Variants in POLR2H observed in about 807,000 individuals in gnomAD.
POLR2H encodes the protein DNA-directed RNA polymerases I, II, and III subunit RPABC3.
Under a neutral mutation model 18.1 loss-of-function variants are expected in POLR2H, and 3 were observed. The observed-to-expected ratio is 0.17, with a 90% CI of 0.08 to 0.43. The LOEUF is 0.43. Ranked by LOEUF, POLR2H falls within the 20% of genes least tolerant of loss-of-function variation. POLR2H has a pLI of 0.99. For missense variants in POLR2H, 103 were observed against 184.6 expected (o/e 0.56, Z 2.56); for synonymous variants, 76 against 69.0 (o/e 1.10, Z -0.50).
intron 2 of POLR2H, chr3:184,364,707 C>A: frequency 1.9e-6 from 1 of 529,732 alleles, no homozygotes; most frequent in Non-Finnish European, 3.3e-6. Context: ...TGCCCAGAGT[C>A]AGGTTCTCAG....
rs1211710422 is a variant in POLR2H at position 184,362,980 on chromosome 3, C to T, written c.-513C>T. The T allele has an allele frequency of 5.6e-6, 1 of 177,556 alleles. No individual in the cohort carries two copies. Among genetic ancestry groups the T allele is most frequent in the Non-Finnish European group, 1.2e-5 (1 of 83,022 alleles). 11.0% of individuals were successfully genotyped at this position (177,556 alleles called of 1,614,324 possible). On this transcript the variant is annotated 5_prime_UTR_variant, in exon 2 of 6. Transcript: ENST00000456318. The surrounding 1 kb of genome is among the most constrained non-coding windows in gnomAD (Gnocchi z 5.9). ...GGGTCCTCGGTGCCGGCTGGAGGGG[C>T]TGGGCACCTCTGGGGCGGGGTTCTG... is the stretch of plus-strand genomic sequence containing the variant.
chr3:184,363,846 T>C (rs944597361), intron 2 of POLR2H, among the ~76,000 whole-genome samples: 6 of 152,202 alleles, frequency 3.9e-5, no homozygotes, highest in African/African-American at 1.4e-4. Flanking sequence ...GACACTGTCT[T>C]GTGAGACCAG....
chr3:184,365,826 A>G (rs564648411), intron 4 of POLR2H, among the ~76,000 whole-genome samples: 1 of 151,206 alleles, frequency 6.6e-6, no homozygotes, highest in Non-Finnish European at 1.5e-5. Context: ...ACAAAAAAAA[A>G]TTAGCCGGGC....
At position 184,362,813 on chromosome 3, in the gene POLR2H, A is replaced by G. The variant is rs1285107087; in HGVS notation, c.-620-60A>G. On this transcript the variant is annotated intron_variant, in intron 1 of 5. Transcript: ENST00000456318. The surrounding 1 kb of genome is among the most constrained non-coding windows in gnomAD (Gnocchi z 5.9). The stretch of plus-strand genomic sequence containing the variant: ...AGGGCCTGGGGGGAAGAGGGAGGGC[A>G]GTGGTGGGAGGGTGCAGTACGAGAG... The G allele has an allele frequency of 6.6e-6, 1 of 152,598 alleles. No individual in the cohort carries two copies. Among genetic ancestry groups the G allele is most frequent in the Non-Finnish European group, 1.5e-5 (1 of 68,668 alleles). The allele number at this position is 152,598 out of a possible 1,614,324, so 9.5% of individuals were successfully genotyped here.
intron 5 of POLR2H, 35 bp from the exon 6 acceptor site, chr3:184,368,142 G>A (rs1190041880): frequency 1.4e-5 from 23 of 1,613,608 alleles, no homozygotes; most frequent in Non-Finnish European, 1.6e-5. Flanking sequence ...GAGTGGCAGT[G>A]CTCCAGAATC....
rs939322075 is a variant in POLR2H at position 184,366,568 on chromosome 3, G to A, written c.252-149G>A. The A allele has an allele frequency of 1.9e-5, 10 of 525,062 alleles. No homozygotes were observed. In the South Asian group the frequency reaches 2.0e-4, roughly 10 times the overall value. 32.5% of individuals were successfully genotyped at this position (525,062 alleles called of 1,614,324 possible). A position where few individuals can be genotyped will look rare whatever the true frequency, so the allele number is the denominator to read the frequency against. Reference sequence around the variant, plus strand: ...TTAGCCAGGATGGTCTCGATCTCCTGACCTCGTGATCTGCCCGCCTTGGCC... The same window carrying A: ...TTAGCCAGGATGGTCTCGATCTCCTAACCTCGTGATCTGCCCGCCTTGGCC... On this transcript the variant is annotated intron_variant, in intron 4 of 5. Transcript: ENST00000456318.
rs1712598733 is a variant in POLR2H, at chr3:184,363,340, G to T, written c.-153G>T. 8 of 687,418 alleles carry T rather than the reference G, an allele frequency of 1.2e-5. No individual in the cohort carries two copies. Among genetic ancestry groups the T allele is most frequent in the Non-Finnish European group, 1.9e-5 (7 of 378,168 alleles). The allele number at this position is 687,418 out of a possible 1,614,324, so 42.6% of individuals were successfully genotyped here. On this transcript the variant is annotated 5_prime_UTR_variant, in exon 2 of 6. Coordinates refer to ENST00000456318, the MANE Select transcript of POLR2H (RefSeq NM_006232.5). ...CTGTGGCGGAAGTGGTCGCGTTACC[G>T]CTTGTTTGTGCGCATGCGCCACTCT...
chr3:184,364,253 G>A (rs1577342152), intron 2 of POLR2H, among the ~76,000 whole-genome samples: 1 of 150,238 alleles, frequency 6.7e-6, no homozygotes, highest in Non-Finnish European at 1.5e-5. Flanking sequence ...TTTTTGAGAC[G>A]CAGCCTTTCT....
Position 184,365,183 on chromosome 3 carries a change from C to G in POLR2H, c.208C>G (p.Leu70Val). Residue 70 changes from leucine to valine, a missense_variant, in exon 4 of 6, where the codon CTG becomes GTG. Leu to Val is a conservative substitution (Grantham distance 32, BLOSUM62 1). Transcript: ENST00000456318. The part of the protein sequence containing the change: ...IASTLYEDGT[L>V]DDGEYNPTDD... ...TAGTACCTTGTATGAAGATGGTACC[C>G]TGGATGATGGTGAATACAACCCCAC... The G allele has an allele frequency of 6.2e-7, 1 of 1,613,538 alleles. No homozygotes were observed. Among genetic ancestry groups the G allele is most frequent in the Non-Finnish European group, 8.5e-7 (1 of 1,179,504 alleles).
intron 2 of POLR2H, 56 bp from the exon 3 acceptor site, chr3:184,364,910 C>A: frequency 8.5e-7 from 1 of 1,176,736 alleles, no homozygotes. Flanking sequence ...TACAATCCCA[C>A]ACTGTAGGAT....
Position 184,367,092 on chromosome 3 carries a change from T to TTG in POLR2H, c.335+324_335+325dup, listed in dbSNP as rs10575340. Among the ~76,000 whole-genome samples, 1,197 of 147,928 alleles carry TTG rather than the reference T, an allele frequency of 8.1e-3. 10 individuals carry two copies. Among genetic ancestry groups the TTG allele is most frequent in the East Asian group, 0.021 (103 of 4,948 alleles). Reference sequence around the variant, plus strand: ...CATTAAGTGATTAGACTGTTAGGCTTTGTGTGTGTGTGTGTGTGTGTGTGT... The same window carrying TTG: ...CATTAAGTGATTAGACTGTTAGGCTTTGTGTGTGTGTGTGTGTGTGTGTGTGT... On this transcript the variant is annotated intron_variant, in intron 5 of 5. Transcript: ENST00000456318.
chr3:184,363,620 C>T (rs1181177052), intron 2 of POLR2H, 55 bp downstream of exon 2: 6 of 1,406,230 alleles, frequency 4.3e-6, no homozygotes, highest in Admixed American at 1.8e-5. Flanking sequence ...CGCGGACATG[C>T]CCCTGGGCCC....
chr3:184,365,248 TA>T, intron 4 of POLR2H, 22 bp downstream of exon 4: 1 of 1,361,114 alleles, frequency 7.3e-7, no homozygotes. Flanking sequence ...GAGAAGGTAA[TA>T]CTTGAAATAT....
At position 184,363,204 on chromosome 3, in the gene POLR2H, A is replaced by G. The variant is rs1369660270; in HGVS notation, c.-289A>G. The G allele has an allele frequency of 1.0e-5, 5 of 482,608 alleles. No homozygotes were observed. The highest frequency in any genetic ancestry group is 2.0e-5 in the South Asian group (1 of 49,638). The allele number at this position is 482,608 out of a possible 1,614,324, so 29.9% of individuals were successfully genotyped here. A position where few individuals can be genotyped will look rare whatever the true frequency, so the allele number is the denominator to read the frequency against. Reference sequence around the variant, plus strand: ...AGCGCGAGAACCCGCTCTACAGCCTATTGCTTCCCCGCCCTGGGCAGAGCC... The same window carrying G: ...AGCGCGAGAACCCGCTCTACAGCCTGTTGCTTCCCCGCCCTGGGCAGAGCC... On this transcript the variant is annotated 5_prime_UTR_variant, in exon 2 of 6. Coordinates refer to ENST00000456318, the MANE Select transcript of POLR2H (RefSeq NM_006232.5).
chr3:184,366,085 G>A (rs1713220124), intron 4 of POLR2H, among the ~76,000 whole-genome samples: 1 of 152,130 alleles, frequency 6.6e-6, no homozygotes, highest in Non-Finnish European at 1.5e-5. Flanking sequence ...TAACTGCTGA[G>A]TGACCTAGGC....
intron 4 of POLR2H, among the ~76,000 whole-genome samples, chr3:184,365,690 C>G (rs1268360536): frequency 6.7e-6 from 1 of 148,988 alleles, no homozygotes; most frequent in African/African-American, 2.5e-5. Context: ...GAAAAAAATT[C>G]GGGCCGGGCG....
Position 184,363,405 on chromosome 3 carries a change from C to G in POLR2H, c.-88C>G. ...GCTTTCAGGAGGTGCTTTTGGTTCTCTCCGGTCTTGTCCACGCTAGGGGGT... is the reference window on the plus strand; with the variant it reads ...GCTTTCAGGAGGTGCTTTTGGTTCTGTCCGGTCTTGTCCACGCTAGGGGGT... On this transcript the variant is annotated 5_prime_UTR_variant, in exon 2 of 6. Transcript: ENST00000456318. 1 of 1,138,720 alleles carries G rather than the reference C, an allele frequency of 8.8e-7. No individual in the cohort carries two copies. Among genetic ancestry groups the G allele is most frequent in the Non-Finnish European group, 1.3e-6 (1 of 759,004 alleles). 70.5% of individuals were successfully genotyped at this position (1,138,720 alleles called of 1,614,324 possible). A position where few individuals can be genotyped will look rare whatever the true frequency, so the allele number is the denominator to read the frequency against.
In POLR2H at chr3:184,368,319, G is replaced by A; in HGVS notation, c.*25G>A. ...AACCTCGCCTGAAGCCAGCCTCTCT[G>A]CCAAGTCACTCAGGTCATGGGCATT... On this transcript the variant is annotated 3_prime_UTR_variant, in exon 6 of 6. Transcript: ENST00000456318. 6.4e-7 allele frequency: 1 copy of A among 1,554,068 alleles called. No individual in the cohort carries two copies. Among genetic ancestry groups the A allele is most frequent in the South Asian group, 1.2e-5 (1 of 81,504 alleles).
rs1319633350 is a variant in POLR2H, at chr3:184,363,345, T to C, written c.-148T>C. On this transcript the variant is annotated 5_prime_UTR_variant, in exon 2 of 6. Transcript: ENST00000456318. ...GCGGAAGTGGTCGCGTTACCGCTTG[T>C]TTGTGCGCATGCGCCACTCTCGTCT... is the stretch of plus-strand genomic sequence containing the variant. The C allele has an allele frequency of 4.3e-6, 3 of 696,406 alleles. No homozygotes were observed. The highest frequency in any genetic ancestry group is 7.8e-6 in the Non-Finnish European group (3 of 383,986). 43.1% of individuals were successfully genotyped at this position (696,406 alleles called of 1,614,324 possible).
Sources: allele counts gnomAD v4.1 joint callset (sites outside exome capture counted in the v4.1 genomes callset), GRCh38; gene constraint gnomAD v4.1.1; non-coding constraint Gnocchi (gnomAD v3.1); transcripts MANE v1.5; gene names NCBI Gene and HGNC (gene_info 2026-07-23, HGNC 2026-07-21).